The following NFATC1 variants were observed in gnomAD, a reference collection of about 807,000 sequenced individuals.
NFATC1 encodes the protein nuclear factor of activated T-cells, cytoplasmic 1.
A neutral mutation model predicts 76.0 loss-of-function variants in NFATC1; 22 were observed. The observed-to-expected ratio is 0.29, with a 90% CI of 0.21 to 0.41. The LOEUF is 0.41. Among genes scored for constraint, NFATC1 ranks in the 10% least tolerant of loss-of-function variants. The pLI, the probability that NFATC1 is intolerant of heterozygous loss-of-function variation, is 1.00. For synonymous variants in NFATC1, 704 were observed against 613.1 expected, an observed-to-expected ratio of 1.15 and a Z score of -2.19; for missense variants, 1,357 against 1,337.7, an observed-to-expected ratio of 1.01 and a Z score of -0.23.
At chr18:79,516,835 T>C (rs527799507) in intron 9 of NFATC1, among the ~76,000 whole-genome samples, 1 of 152,348 alleles carries the variant, frequency 6.6e-6, no homozygotes, top group Non-Finnish European at 1.5e-5. Context: ...TTCTGATCTC[T>C]AATTTGTGGC....
rs2090719418 is a variant in NFATC1 at position 79,524,997 on chromosome 18, C to T, written c.2783-2531C>T. The stretch of plus-strand genomic sequence containing the variant: ...CATCACCCATCCTGTCCCCTCACGC[C>T]TCCCCACATCCCATCATTACTACCC... On this transcript the variant is annotated intron_variant, in intron 9 of 9. Transcript: ENST00000427363. The surrounding 1 kb of genome is among the most constrained non-coding windows in gnomAD (Gnocchi z 7.2). Among the ~76,000 whole-genome samples the T allele has an allele frequency of 6.6e-6, 1 of 151,814 alleles. No individual in the cohort carries two copies. Among genetic ancestry groups the T allele is most frequent in the Non-Finnish European group, 1.5e-5 (1 of 67,916 alleles).
At chr18:79,405,336 C>T (rs368922610) in intron 1 of NFATC1, among the ~76,000 whole-genome samples, 7 of 152,258 alleles carry the variant, frequency 4.6e-5, no homozygotes, top group Middle Eastern at 3.2e-3. Flanking sequence ...CCCTCCGACA[C>T]GGCAGCCAGG....
chr18:79,437,940 C>T lies in NFATC1; in HGVS notation c.1386+4202C>T, dbSNP rs367982240. ...GGTCTGGGGTGAGACAGGCAGTGTTCTTCCCCTTCTCTGGCCAGGGAGGGT... is the reference window on the plus strand; with the variant it reads ...GGTCTGGGGTGAGACAGGCAGTGTTTTTCCCCTTCTCTGGCCAGGGAGGGT... On this transcript the variant is annotated intron_variant, in intron 3 of 9. Transcript: ENST00000427363. Among the ~76,000 whole-genome samples the T allele has an allele frequency of 3.5e-4, 53 of 152,392 alleles. No individual in the cohort carries two copies. In the East Asian group the frequency reaches 6.6e-3, roughly 19 times the overall value.
At chr18:79,429,915 G>A (rs1468038547) in intron 2 of NFATC1, among the ~76,000 whole-genome samples, 1 of 152,262 alleles carries the variant, frequency 6.6e-6, no homozygotes, top group Non-Finnish European at 1.5e-5. Flanking sequence ...TGAGAGCGTA[G>A]TTTTACTGCA....
intron 8 of NFATC1, among the ~76,000 whole-genome samples, chr18:79,485,204 T>G (rs543072582): frequency 3.3e-5 from 5 of 152,158 alleles, no homozygotes; most frequent in Non-Finnish European, 7.3e-5. Context: ...AACCCACCAG[T>G]GTGCAGCCCA....
intron 3 of NFATC1, among the ~76,000 whole-genome samples, chr18:79,443,668 G>A (rs1201239240): frequency 3.9e-5 from 6 of 152,336 alleles, no homozygotes; most frequent in South Asian, 4.1e-4. Context: ...GGTTCCTGCC[G>A]GGCACATGGA....
intron 9 of NFATC1, among the ~76,000 whole-genome samples, chr18:79,509,263 G>A (rs2090188799): frequency 6.6e-6 from 1 of 152,188 alleles, no homozygotes; most frequent in Admixed American, 6.5e-5. Context: ...GCGGAGCTTT[G>A]GCACCCACAT....
intron 7 of NFATC1, among the ~76,000 whole-genome samples, chr18:79,467,138 C>T (rs1351873998): frequency 6.6e-6 from 1 of 152,252 alleles, no homozygotes; most frequent in Non-Finnish European, 1.5e-5. Flanking sequence ...CCTCTCGGCT[C>T]CTGGGTGTGC....
intron 3 of NFATC1, among the ~76,000 whole-genome samples, chr18:79,436,650 G>A (rs1207413604): frequency 1.3e-5 from 2 of 152,210 alleles, no homozygotes; most frequent in Non-Finnish European, 2.9e-5. Context: ...GGAAGCATTC[G>A]GAGCATGGAC....
intron 9 of NFATC1, among the ~76,000 whole-genome samples, chr18:79,489,943 A>G (rs935130661): frequency 2.0e-5 from 3 of 152,130 alleles, no homozygotes; most frequent in African/African-American, 7.2e-5. Flanking sequence ...ACCTGTGCAG[A>G]CACCTCCCTA....
At chr18:79,441,696 T>C (rs1344538508) in intron 3 of NFATC1, among the ~76,000 whole-genome samples, 1 of 152,102 alleles carries the variant, frequency 6.6e-6, no homozygotes, top group African/African-American at 2.4e-5. Context: ...CGACTCTCAG[T>C]GGCACGGATG....
chr18:79,396,087 C>T lies in NFATC1; in HGVS notation c.-138C>T, dbSNP rs2084993737. On this transcript the variant is annotated 5_prime_UTR_variant, in exon 1 of 10. Transcript: ENST00000427363. ...CCCCGCCACGCGCGCACACGCCCCT[C>T]GATGACTTTCCTCCGGGGCGCGCGG... 1 of 1,087,422 alleles carries T rather than the reference C, an allele frequency of 9.2e-7. No homozygotes were observed. The highest frequency in any genetic ancestry group is 1.1e-6 in the Non-Finnish European group (1 of 871,778). The allele number at this position is 1,087,422 out of a possible 1,614,324, so 67.4% of individuals were successfully genotyped here.
chr18:79,434,288 C>T (rs548365403), intron 3 of NFATC1, among the ~76,000 whole-genome samples: 1 of 152,342 alleles, frequency 6.6e-6, no homozygotes, highest in East Asian at 1.9e-4. Flanking sequence ...CAGCCGCGTC[C>T]CTGCTGGGGT....
intron 9 of NFATC1, among the ~76,000 whole-genome samples, chr18:79,503,440 G>A (rs184822203): frequency 3.3e-5 from 5 of 152,300 alleles, no homozygotes; most frequent in Admixed American, 1.3e-4. Flanking sequence ...TGCATTGTCC[G>A]TGAGCAGTAA....
intron 3 of NFATC1, among the ~76,000 whole-genome samples, chr18:79,444,161 G>A (rs2087097096): frequency 6.6e-6 from 1 of 152,240 alleles, no homozygotes; most frequent in Non-Finnish European, 1.5e-5. Context: ...GCAGTGAGCT[G>A]GTGCCAGTGG....
Position 79,465,417 on chromosome 18 carries a change from G to A in NFATC1, c.1960-2033G>A, listed in dbSNP as rs1365853478. Among the ~76,000 whole-genome samples the A allele has an allele frequency of 4.0e-5, 6 of 151,730 alleles. No individual in the cohort carries two copies. Among genetic ancestry groups the A allele is most frequent in the African/African-American group, 1.5e-4 (6 of 41,268 alleles). On this transcript the variant is annotated intron_variant, in intron 7 of 9. Transcript: ENST00000427363. This position sits in a 1 kb window ranked among gnomAD's most constrained non-coding sequence, Gnocchi z 4.2. ...ATCCAGCCTGCCTCACGGGGTCCCC[G>A]CCTCCACCCAGTCTGGCCCACAAGG...
chr18:79,513,919 G>C (rs866826752), intron 9 of NFATC1, among the ~76,000 whole-genome samples: 1 of 152,218 alleles, frequency 6.6e-6, no homozygotes, highest in Non-Finnish European at 1.5e-5. Context: ...CTGTGTGCTA[G>C]CCTCTGTCCC....
intron 8 of NFATC1, among the ~76,000 whole-genome samples, chr18:79,483,567 C>T (rs1600881448): frequency 8.6e-6 from 1 of 115,890 alleles, no homozygotes; most frequent in Admixed American, 9.2e-5. Flanking sequence ...CCTGGGGTGT[C>T]ACTCCGGCGT....
Position 79,450,993 on chromosome 18 carries a change from C to T in NFATC1, c.1629C>T (p.Asp543=). The T allele has an allele frequency of 3.1e-6, 5 of 1,613,874 alleles. No homozygotes were observed. The highest frequency in any genetic ancestry group is 4.2e-6 in the Non-Finnish European group (5 of 1,179,992). ...CAGILKLRNS[D]IELRKGETDI... is the part of the protein sequence containing the mutation. ...GAATCCTGAAACTCAGAAACTCCGA[C>T]ATTGAACTTCGGAAAGGAGAGACGG... Residue 543 remains aspartate (D), a synonymous_variant, in exon 5 of 10, where the codon GAC becomes GAT. Transcript: ENST00000427363.
Sources: allele counts gnomAD v4.1 joint callset (sites outside exome capture counted in the v4.1 genomes callset), GRCh38; gene constraint gnomAD v4.1.1; non-coding constraint Gnocchi (gnomAD v3.1); transcripts MANE v1.5; gene names NCBI Gene and HGNC (gene_info 2026-07-23, HGNC 2026-07-21).